The following EPHA5 variants were observed in gnomAD, a reference collection of about 807,000 sequenced individuals.
EPHA5 encodes the protein ephrin type-A receptor 5.
Under a neutral mutation model 105.0 loss-of-function variants are expected in EPHA5, and 60 were observed. The ratio of observed to expected loss-of-function variants is 0.57; its 90% CI spans 0.46 to 0.71. EPHA5 has a LOEUF of 0.71. Among genes scored for constraint, EPHA5 ranks in the 30% least tolerant of loss-of-function variants. EPHA5 has a pLI of 0.00. For synonymous variants in EPHA5, 513 were observed against 449.1 expected (o/e 1.14, Z -1.80); for missense variants, 1,218 against 1,274.7 (o/e 0.96, Z 0.68).
intron 5 of EPHA5, among the ~76,000 whole-genome samples, chr4:65,446,689 T>A (rs1017689051): frequency 6.6e-6 from 1 of 151,892 alleles, no homozygotes; most frequent in East Asian, 1.9e-4. Context: ...TGTATGCACA[T>A]GGGGTGCATG....
In EPHA5 at chr4:65,655,327, C is replaced by T. The variant is rs915713212; in HGVS notation, c.182-11900G>A. On this transcript the variant is annotated intron_variant, in intron 1 of 16. Coordinates refer to ENST00000613740, the MANE Select transcript of EPHA5 (RefSeq NM_001281766.3). ...TTTTTAAACTATAAATCCATTGGCT[C>T]TTTCTAAAAGTACAAAATCAGGACA... Among the ~76,000 whole-genome samples the T allele has an allele frequency of 3.3e-5, 5 of 152,050 alleles. No homozygotes were observed. The East Asian group carries it at 7.8e-4, about 24-fold the overall frequency.
intron 11 of EPHA5, among the ~76,000 whole-genome samples, chr4:65,360,069 T>G (rs926334124): frequency 1.1e-4 from 16 of 151,640 alleles, no homozygotes; most frequent in African/African-American, 3.9e-4. Context: ...TGTAACAGTC[T>G]GCCTCCAAAT....
chr4:65,535,683 G>A (rs1255717567), intron 3 of EPHA5, among the ~76,000 whole-genome samples: 1 of 151,954 alleles, frequency 6.6e-6, no homozygotes, highest in African/African-American at 2.4e-5. Context: ...ATATACCACT[G>A]TTTAATATTG....
At chr4:65,648,765 C>A (rs977174249) in intron 1 of EPHA5, among the ~76,000 whole-genome samples, 1 of 152,170 alleles carries the variant, frequency 6.6e-6, no homozygotes, top group Non-Finnish European at 1.5e-5. Context: ...TTATAACACA[C>A]ATTTAACTAA....
At chr4:65,518,205 G>T (rs769963898) in intron 3 of EPHA5, among the ~76,000 whole-genome samples, 11 of 151,742 alleles carry the variant, frequency 7.2e-5, no homozygotes, top group Non-Finnish European at 1.3e-4. Flanking sequence ...ATTATTTAAG[G>T]AGAGTAAATT....
At chr4:65,412,859 C>T (rs1723040300) in intron 7 of EPHA5, among the ~76,000 whole-genome samples, 1 of 151,982 alleles carries the variant, frequency 6.6e-6, no homozygotes, top group Non-Finnish European at 1.5e-5. Flanking sequence ...GCTGAATGTG[C>T]CAACATCCTA....
chr4:65,347,664 A>G (rs569699847), intron 14 of EPHA5, among the ~76,000 whole-genome samples: 9 of 152,146 alleles, frequency 5.9e-5, no homozygotes, highest in Non-Finnish European at 1.3e-4. Context: ...TATTAAATCA[A>G]TATCATCATC....
At chr4:65,514,121 A>G (rs1733883467) in intron 3 of EPHA5, among the ~76,000 whole-genome samples, 1 of 152,118 alleles carries the variant, frequency 6.6e-6, no homozygotes, top group African/African-American at 2.4e-5. Flanking sequence ...CATGCTTGCT[A>G]TAATGGGGTT....
At position 65,320,146 on chromosome 4, in the gene EPHA5, T is replaced by A. The variant is rs1225046592; in HGVS notation, c.*3968A>T. On this transcript the variant is annotated 3_prime_UTR_variant, in exon 17 of 17. Transcript: ENST00000613740. Reference sequence around the variant, plus strand: ...ATTTATGTGTGAAAAGATTTCTTCATAAATGAATAAGAAATGAAAAGAAAG... The same window carrying A: ...ATTTATGTGTGAAAAGATTTCTTCAAAAATGAATAAGAAATGAAAAGAAAG... 4.3e-6 allele frequency: 1 copy of A among 230,232 alleles called. No homozygotes were observed. The highest frequency in any genetic ancestry group is 8.6e-6 in the Non-Finnish European group (1 of 116,164). The allele number at this position is 230,232 out of a possible 1,614,324, so 14.3% of individuals were successfully genotyped here.
intron 4 of EPHA5, among the ~76,000 whole-genome samples, chr4:65,493,547 CACTCATAGA>C (rs1448525460): frequency 5.3e-5 from 8 of 152,200 alleles, no homozygotes; most frequent in Middle Eastern, 3.4e-3. Context: ...CATACACACA[CACTCATAGA>C]TTATGTATTA....
At chr4:65,489,200 T>G (rs1731176699) in intron 5 of EPHA5, among the ~76,000 whole-genome samples, 1 of 152,134 alleles carries the variant, frequency 6.6e-6, no homozygotes, top group African/African-American at 2.4e-5. Context: ...CCCAGCCAGC[T>G]GCATGCTTTT....
chr4:65,470,684 C>T (rs996039351), intron 5 of EPHA5, among the ~76,000 whole-genome samples: 1 of 152,020 alleles, frequency 6.6e-6, no homozygotes, highest in Non-Finnish European at 1.5e-5. Flanking sequence ...ATGAAAAATT[C>T]TTTAGGAAGC....
chr4:65,587,019 T>G (rs1271834342), intron 3 of EPHA5, among the ~76,000 whole-genome samples: 2 of 152,150 alleles, frequency 1.3e-5, no homozygotes, highest in Non-Finnish European at 2.9e-5. Context: ...AAGATATTTT[T>G]ATTTTTGCTT....
rs2149225954 is a variant in EPHA5, at chr4:65,495,454, T to G, written c.1000A>C (p.Thr334Pro). The change falls in exon 4 of 17, where the codon ACC becomes CCC. Residue 334 changes from threonine (T) to proline (P), a missense_variant. Thr to Pro is a conservative substitution (Grantham distance 38, BLOSUM62 -1). Coordinates refer to ENST00000613740, the MANE Select transcript of EPHA5 (RefSeq NM_001281766.3). The stretch of plus-strand genomic sequence containing the variant: ...TAATCCTTTTCACAGACACAAGAGG[T>G]TGAAGCTTCCTCATGGGTATAACTG... ...PHSYTHEEAS[T>P]SCVCEKDYFR... 1 of 1,613,850 alleles carries G rather than the reference T, an allele frequency of 6.2e-7. No homozygotes were observed. The highest frequency in any genetic ancestry group is 8.5e-7 in the Non-Finnish European group (1 of 1,179,846).
chr4:65,570,048 C>T (rs548863237), intron 3 of EPHA5, among the ~76,000 whole-genome samples: 5 of 151,240 alleles, frequency 3.3e-5, no homozygotes, highest in Admixed American at 3.3e-4. Context: ...GTGAGAAGGC[C>T]CATAATTATA....
chr4:65,669,454 G>T, intron 1 of EPHA5, 108 bp downstream of exon 1: 1 of 1,253,634 alleles, frequency 8.0e-7, no homozygotes, highest in Non-Finnish European at 1.0e-6. Context: ...AGATGAGACT[G>T]CGATTTAGTC....
At chr4:65,599,136 G>A (rs187593611) in intron 3 of EPHA5, among the ~76,000 whole-genome samples, 2 of 152,124 alleles carry the variant, frequency 1.3e-5, no homozygotes, top group African/African-American at 4.8e-5. Flanking sequence ...GGAAATAGAA[G>A]TAGATGATTT....
intron 5 of EPHA5, among the ~76,000 whole-genome samples, chr4:65,453,805 C>A (rs1031777202): frequency 3.9e-5 from 6 of 152,162 alleles, no homozygotes; most frequent in African/African-American, 4.8e-5. Context: ...TCAAACCAGG[C>A]AGTTGATCTG....
intron 5 of EPHA5, among the ~76,000 whole-genome samples, chr4:65,434,727 A>G (rs544732073): frequency 1.3e-5 from 2 of 152,288 alleles, no homozygotes; most frequent in South Asian, 4.1e-4. Context: ...CAAAATTCCA[A>G]TGGAATAGGC....
Sources: allele counts gnomAD v4.1 joint callset (sites outside exome capture counted in the v4.1 genomes callset), GRCh38; gene constraint gnomAD v4.1.1; transcripts MANE v1.5; gene names NCBI Gene and HGNC (gene_info 2026-07-23, HGNC 2026-07-21).